FSD1L: variants seen among roughly 807,000 people sequenced by gnomAD.
FSD1L encodes the protein fibronectin type III and SPRY domain containing 1 like, also known as FSD1-like protein.
In FSD1L, 45 loss-of-function variants were observed where a neutral mutation model predicts 71.6. The observed-to-expected ratio is 0.63, with a 90% CI of 0.49 to 0.81. The LOEUF (loss-of-function observed/expected upper bound fraction) is 0.81. Ranked by LOEUF, FSD1L falls within the 30% of genes least tolerant of loss-of-function variation. The pLI is 0.00. For missense variants in FSD1L, 561 were observed against 618.1 expected, an observed-to-expected ratio of 0.91 and a Z score of 0.98; for synonymous variants, 197 against 207.2, an observed-to-expected ratio of 0.95 and a Z score of 0.42.
At chr9:105,489,602 A>G (rs541807666) in intron 7 of FSD1L, among the ~76,000 whole-genome samples, 19 of 152,174 alleles carry the variant, frequency 1.2e-4, no homozygotes, top group Admixed American at 2.6e-4. Context: ...TGTGCTGCAC[A>G]CATTAACTCG....
At position 105,551,036 on chromosome 9, in the gene FSD1L, A is replaced by G. The variant is rs1191463858; in HGVS notation, c.*4553A>G. The G allele has an allele frequency of 6.6e-6, 1 of 152,136 alleles. No individual in the cohort carries two copies. Among genetic ancestry groups the G allele is most frequent in the Non-Finnish European group, 1.5e-5 (1 of 67,962 alleles). 9.4% of individuals were successfully genotyped at this position (152,136 alleles called of 1,614,324 possible). ...TACGGTTAAAATAAGTCAAATAGTA[A>G]GTGGTAAAACACATTTTTGTTAGTA... On this transcript the variant is annotated 3_prime_UTR_variant, in exon 14 of 14. Transcript: ENST00000481272.
intron 2 of FSD1L, among the ~76,000 whole-genome samples, chr9:105,462,520 A>AT (rs773853934): frequency 0.1 from 10,925 of 104,186 alleles, 1,021 homozygotes; most frequent in East Asian, 0.44. Flanking sequence ...TGTGACTGAC[A>AT]TTTTTTTTTT....
At chr9:105,446,314 C>T (rs982982764), upstream of FSD1L, among the ~76,000 whole-genome samples, 5 of 152,154 alleles carry the variant, frequency 3.3e-5, no homozygotes, top group African/African-American at 1.2e-4. Context: ...AGAGATCTTC[C>T]CTGACATTTC....
At chr9:105,448,545 G>A (rs1187620393) in intron 1 of FSD1L, among the ~76,000 whole-genome samples, 1 of 152,224 alleles carries the variant, frequency 6.6e-6, no homozygotes, top group Non-Finnish European at 1.5e-5. Flanking sequence ...CTTTAGGCCG[G>A]TTTTCATGCC....
intron 7 of FSD1L, among the ~76,000 whole-genome samples, chr9:105,492,385 C>G (rs1172715070): frequency 6.6e-6 from 1 of 152,048 alleles, no homozygotes. Context: ...TGATTCTTCT[C>G]TCTTTTCTTC....
intron 13 of FSD1L, among the ~76,000 whole-genome samples, chr9:105,542,734 G>A (rs1200650611): frequency 1.3e-5 from 2 of 152,212 alleles, no homozygotes; most frequent in Non-Finnish European, 2.9e-5. Flanking sequence ...GGGATTACAG[G>A]CATGAGCCAC....
intron 10 of FSD1L, chr9:105,513,542 C>T: frequency 7.2e-7 from 1 of 1,389,632 alleles, no homozygotes; most frequent in Non-Finnish European, 9.8e-7. Flanking sequence ...TCATTATAAG[C>T]TGTTAAATTT....
chr9:105,460,980 CTG>C (rs2131600091), intron 1 of FSD1L, among the ~76,000 whole-genome samples: 1 of 152,234 alleles, frequency 6.6e-6, no homozygotes, highest in African/African-American at 2.4e-5. Flanking sequence ...TAAATAAAAA[CTG>C]AGAAATGAGT....
At chr9:105,503,647 A>T (rs1458597994) in intron 7 of FSD1L, among the ~76,000 whole-genome samples, 2 of 152,188 alleles carry the variant, frequency 1.3e-5, no homozygotes, top group East Asian at 1.9e-4. Flanking sequence ...AGATGTGTGG[A>T]TTGCTTTCCT....
rs1837157283 is a variant in FSD1L, at chr9:105,548,999, C to T, written c.*2516C>T. The T allele has an allele frequency of 6.6e-6, 1 of 151,956 alleles. No individual in the cohort carries two copies. 9.4% of individuals were successfully genotyped at this position (151,956 alleles called of 1,614,324 possible). A position where few individuals can be genotyped will look rare whatever the true frequency, so the allele number is the denominator to read the frequency against. ...AGTCTCAAAATAAGGTAACTATTAA[C>T]TTGATTATACTATATAATATTCTCA... On this transcript the variant is annotated 3_prime_UTR_variant, in exon 14 of 14. Coordinates refer to ENST00000481272, the MANE Select transcript of FSD1L (RefSeq NM_001145313.3).
chr9:105,463,410 A>C (rs1046002688), intron 2 of FSD1L, among the ~76,000 whole-genome samples: 2 of 152,186 alleles, frequency 1.3e-5, no homozygotes, highest in African/African-American at 4.8e-5. Context: ...TGTTGCTACC[A>C]ATGAGGAGTT....
At chr9:105,452,222 G>A (rs1830050323) in intron 1 of FSD1L, among the ~76,000 whole-genome samples, 1 of 152,108 alleles carries the variant, frequency 6.6e-6, no homozygotes, top group South Asian at 2.1e-4. Context: ...CTAGTTCTGA[G>A]AACCCCACCA....
intron 7 of FSD1L, among the ~76,000 whole-genome samples, chr9:105,497,084 G>A (rs1263640522): frequency 6.6e-6 from 1 of 152,116 alleles, no homozygotes; most frequent in Non-Finnish European, 1.5e-5. Context: ...TTGAATGAGT[G>A]TTGGAATTTG....
chr9:105,508,793 A>G, intron 9 of FSD1L, 78 bp downstream of exon 9: 3 of 807,810 alleles, frequency 3.7e-6, no homozygotes, highest in Non-Finnish European at 5.8e-6. Context: ...AACAGGAAGC[A>G]CTTCATGTGA....
chr9:105,544,884 T>G (rs1025705190), intron 13 of FSD1L, among the ~76,000 whole-genome samples: 2 of 152,138 alleles, frequency 1.3e-5, no homozygotes, highest in African/African-American at 4.8e-5. Flanking sequence ...TTGTTCTTTT[T>G]CCTTAGGATT....
chr9:105,492,399 A>G (rs1430637221), intron 7 of FSD1L, among the ~76,000 whole-genome samples: 2 of 151,610 alleles, frequency 1.3e-5, no homozygotes, highest in Non-Finnish European at 2.9e-5. Context: ...TTTCTTCTTT[A>G]TTAGTCTTGC....
upstream of FSD1L, among the ~76,000 whole-genome samples, chr9:105,443,987 G>T (rs2131537885): frequency 6.6e-6 from 1 of 152,278 alleles, no homozygotes; most frequent in South Asian, 2.1e-4. Context: ...GGTGGCAAAT[G>T]CTAAGACTCA....
At position 105,547,360 on chromosome 9, in the gene FSD1L, T is replaced by G. The variant is rs1031107752; in HGVS notation, c.*877T>G. 6.6e-6 allele frequency: 1 copy of G among 152,518 alleles called. No homozygotes were observed. The highest frequency in any genetic ancestry group is 1.5e-5 in the Non-Finnish European group (1 of 67,946). 9.4% of individuals were successfully genotyped at this position (152,518 alleles called of 1,614,324 possible). ...TTATGCTGATTTTTAGCATCTCTTA[T>G]AGGAATCAAAGTTTATTAAAGTTAC... On this transcript the variant is annotated 3_prime_UTR_variant, in exon 14 of 14. Transcript: ENST00000481272.
intron 7 of FSD1L, among the ~76,000 whole-genome samples, chr9:105,491,164 T>G (rs1832911230): frequency 6.6e-6 from 1 of 152,052 alleles, no homozygotes; most frequent in African/African-American, 2.4e-5. Flanking sequence ...CATTTGTTTG[T>G]ATCCTCTTTT....
Sources: allele counts gnomAD v4.1 joint callset (sites outside exome capture counted in the v4.1 genomes callset), GRCh38; gene constraint gnomAD v4.1.1; transcripts MANE v1.5; gene names NCBI Gene and HGNC (gene_info 2026-07-23, HGNC 2026-07-21).